Variants in GCNT4 observed in about 807,000 individuals in gnomAD.
GCNT4 encodes the protein glucosaminyl (N-acetyl) transferase 4.
In GCNT4, 17 loss-of-function variants were observed where a neutral mutation model predicts 31.3. That is an observed-to-expected ratio of 0.54 (90% CI 0.37 to 0.81). The LOEUF is 0.81. Ranked by LOEUF, GCNT4 falls within the 40% of genes least tolerant of loss-of-function variation. GCNT4 has a pLI of 0.00. For missense variants in GCNT4, 503 were observed against 525.5 expected (o/e 0.96, Z 0.42); for synonymous variants, 158 against 190.6 (o/e 0.83, Z 1.41).
In GCNT4 at chr5:75,029,549, A is replaced by G. The variant is rs1362855375; in HGVS notation, c.489T>C (p.His163=). 3 of 1,614,074 alleles carry G rather than the reference A, an allele frequency of 1.9e-6. No homozygotes were observed. The highest frequency in any genetic ancestry group is 2.5e-6 in the Non-Finnish European group (3 of 1,180,044). The change falls in exon 4 of 4, where the codon CAT becomes CAC. Residue 163 remains histidine (H), a synonymous_variant. Transcript: ENST00000652361. ...IYNQHNIYCI[H]YDRKAPDTFK... is the part of the protein sequence containing the mutation. ...AGGTATCAGGTGCCTTACGATCATA[A>G]TGGATGCAGTAAATATTGTGCTGGT...
Position 75,028,878 on chromosome 5 carries a change from A to C in GCNT4, c.1160T>G (p.Leu387Arg). 1 of 1,614,096 alleles carries C rather than the reference A, an allele frequency of 6.2e-7. No homozygotes were observed. Among genetic ancestry groups the C allele is most frequent in the Non-Finnish European group, 8.5e-7 (1 of 1,180,002 alleles). The stretch of plus-strand genomic sequence containing the variant: ...AGCTCCATAAATACACACGCTTCGA[A>C]GGTGAGATCCAGTACAACTGGGATA... The part of the protein sequence containing the change: ...FFYPSCTGSH[L>R]RSVCIYGAAE... Residue 387 changes from leucine to arginine, a missense_variant, in exon 4 of 4, where the codon CTT becomes CGT. Transcript: ENST00000652361.
rs1743597218 is a variant in GCNT4, at chr5:75,052,515, G to A, written c.-288C>T. 1 of 152,232 alleles carries A rather than the reference G, an allele frequency of 6.6e-6. No homozygotes were observed. The highest frequency in any genetic ancestry group is 2.4e-5 in the African/African-American group (1 of 41,452). The allele number at this position is 152,232 out of a possible 1,614,324, so 9.4% of individuals were successfully genotyped here. ...ATCCCAGAAGCTCCCGACCCGCTGTGGTAGGCACCGCCACCTCGCAGGCAG... is the reference window on the plus strand; with the variant it reads ...ATCCCAGAAGCTCCCGACCCGCTGTAGTAGGCACCGCCACCTCGCAGGCAG... On this transcript the variant is annotated 5_prime_UTR_variant, in exon 1 of 4. Transcript: ENST00000652361.
the GCNT4 span, among the ~76,000 whole-genome samples, chr5:75,018,810 GGAAT>G: frequency 1.3e-5 from 2 of 152,128 alleles, no homozygotes; most frequent in African/African-American, 4.8e-5. Context: ...AGAGGCAAAA[GGAAT>G]GAACATTAGG....
chr5:75,053,437 C>A (rs1459882482), upstream of GCNT4, among the ~76,000 whole-genome samples: 1 of 152,114 alleles, frequency 6.6e-6, no homozygotes. Context: ...GGCGTCCCGG[C>A]GGAGACGAGG....
At chr5:75,045,196 T>C (rs1353440451) in intron 3 of GCNT4, among the ~76,000 whole-genome samples, 1 of 152,238 alleles carries the variant, frequency 6.6e-6, no homozygotes, top group Non-Finnish European at 1.5e-5. Flanking sequence ...ATTAATTACA[T>C]TCATATTGTA....
Position 75,052,436 on chromosome 5 carries a change from C to T in GCNT4, c.-209G>A, listed in dbSNP as rs1226379810. The stretch of plus-strand genomic sequence containing the variant: ...CCCACTCGCCCCGTTTACCTAGCAC[C>T]GTTTCCTACGTGAAGACTGCAAATG... On this transcript the variant is annotated 5_prime_UTR_variant, in exon 1 of 4. Coordinates refer to ENST00000652361, the MANE Select transcript of GCNT4 (RefSeq NM_001366737.1). The T allele has an allele frequency of 2.0e-5, 3 of 152,164 alleles. No individual in the cohort carries two copies. Among genetic ancestry groups the T allele is most frequent in the African/African-American group, 7.2e-5 (3 of 41,432 alleles). 9.4% of individuals were successfully genotyped at this position (152,164 alleles called of 1,614,324 possible).
downstream of GCNT4, among the ~76,000 whole-genome samples, chr5:75,024,166 T>C (rs1742914295): frequency 6.6e-6 from 1 of 151,774 alleles, no homozygotes; most frequent in Admixed American, 6.6e-5. Flanking sequence ...TGTAGATTTG[T>C]AGGTGCCAAT....
chr5:75,052,675 GC>G (rs1478571084), upstream of GCNT4: 4 of 152,246 alleles, frequency 2.6e-5, no homozygotes, highest in African/African-American at 9.6e-5. Context: ...GCCCCCTCCA[GC>G]CCCGGTTGCC....
chr5:75,049,378 A>C lies in GCNT4; in HGVS notation c.-142-1341T>G, dbSNP rs1023178563. 1.6e-4 allele frequency among the ~76,000 whole-genome samples: 25 copies of C among 152,190 alleles called. 1 individual carries two copies. Among genetic ancestry groups the C allele is most frequent in the African/African-American group, 5.3e-4 (22 of 41,448 alleles). On this transcript the variant is annotated intron_variant, in intron 2 of 3. Coordinates refer to ENST00000652361, the MANE Select transcript of GCNT4 (RefSeq NM_001366737.1). Reference sequence around the variant, plus strand: ...AGTTGTGAGCTACCTTTATCAAATGATATCTGGCTCCCCACATCTAAAATA... The same window carrying C: ...AGTTGTGAGCTACCTTTATCAAATGCTATCTGGCTCCCCACATCTAAAATA...
chr5:75,025,037 T>C (rs1264500181), downstream of GCNT4, among the ~76,000 whole-genome samples: 3 of 147,016 alleles, frequency 2.0e-5, no homozygotes, highest in Non-Finnish European at 4.5e-5. Context: ...AAGTTCAACC[T>C]ACCCTATTGA....
At position 75,027,984 on chromosome 5, in the gene GCNT4, T is replaced by TTTTTTTTTTTTTTGAGACGG. The variant is rs1561372309; in HGVS notation, c.*691_*692insCCGTCTCAAAAAAAAAAAAA. On this transcript the variant is annotated 3_prime_UTR_variant, in exon 4 of 4. Transcript: ENST00000652361. ...TTGTATAAATCCCTTCGCTCCTCTT[T>TTTTTTTTTTTTTTGAGACGG]AGGTACTACCTGTCCCAACCCACAT... 1 of 152,004 alleles carries TTTTTTTTTTTTTTGAGACGG rather than the reference T, an allele frequency of 6.6e-6. No homozygotes were observed. The highest frequency in any genetic ancestry group is 2.4e-5 in the African/African-American group (1 of 40,874). 9.4% of individuals were successfully genotyped at this position (152,004 alleles called of 1,614,324 possible).
intron 3 of GCNT4, among the ~76,000 whole-genome samples, chr5:75,031,426 T>C (rs1055557412): frequency 6.6e-6 from 1 of 152,192 alleles, no homozygotes; most frequent in African/African-American, 2.4e-5. Context: ...GTGGGCCATA[T>C]TGTCTCAGTC....
At position 75,027,071 on chromosome 5, in the gene GCNT4, A is replaced by G. The variant is rs917214239; in HGVS notation, c.*1605T>C. ...TGTCCTATTTTGGGCTAGATTTACT[A>G]CATCTTTAAATATAATATCTGAGGC... On this transcript the variant is annotated 3_prime_UTR_variant, in exon 4 of 4. Transcript: ENST00000652361. The G allele has an allele frequency of 6.6e-5, 10 of 151,632 alleles. No homozygotes were observed. Among genetic ancestry groups the G allele is most frequent in the African/African-American group, 2.2e-4 (9 of 41,262 alleles). The allele number at this position is 151,632 out of a possible 1,614,324, so 9.4% of individuals were successfully genotyped here.
intron 3 of GCNT4, among the ~76,000 whole-genome samples, chr5:75,031,178 G>A (rs550819431): frequency 8.6e-5 from 13 of 151,726 alleles, no homozygotes; most frequent in Non-Finnish European, 1.6e-4. Context: ...GGGCTCAAGC[G>A]ATCCTCCTGC....
chr5:75,017,070 G>A, the GCNT4 span, among the ~76,000 whole-genome samples: 453 of 152,344 alleles, frequency 3.0e-3, 3 homozygotes, highest in African/African-American at 0.01. Flanking sequence ...TAGAGTTCCT[G>A]GAGGAGAGGG....
the GCNT4 span, among the ~76,000 whole-genome samples, chr5:75,019,656 C>T: frequency 6.6e-6 from 1 of 152,052 alleles, no homozygotes; most frequent in African/African-American, 2.4e-5. Context: ...ATGCAGAAAA[C>T]CTGTGAAGCA....
chr5:75,052,170 T>C lies in GCNT4; in HGVS notation c.-144A>G, dbSNP rs201821800. The C allele has an allele frequency of 7.9e-6, 1 of 126,488 alleles. No homozygotes were observed. Among genetic ancestry groups the C allele is most frequent in the Non-Finnish European group, 1.6e-5 (1 of 61,802 alleles). 7.8% of individuals were successfully genotyped at this position (126,488 alleles called of 1,614,324 possible). On this transcript the variant is annotated splice_region_variant and 5_prime_UTR_variant, in exon 2 of 4. The change abolishes an upstream ATG in the 5' untranslated region. Transcript: ENST00000652361. ...AAAGGGCGACTTCTGTCTACTCACA[T>C]GAGACAATTAAACGCATTATATTAG...
At chr5:75,030,791 C>T (rs951194658) in intron 3 of GCNT4, 7 of 167,040 alleles carry the variant, frequency 4.2e-5, no homozygotes, top group African/African-American at 1.7e-4. Context: ...AATGTACCCA[C>T]CCTGAAGATC....
chr5:75,050,296 A>G (rs952032662), intron 2 of GCNT4, among the ~76,000 whole-genome samples: 2 of 152,240 alleles, frequency 1.3e-5, no homozygotes, highest in Non-Finnish European at 2.9e-5. Context: ...TTTACATTAC[A>G]TGAGCTTGAT....
Sources: allele counts gnomAD v4.1 joint callset (sites outside exome capture counted in the v4.1 genomes callset), GRCh38; gene constraint gnomAD v4.1.1; transcripts MANE v1.5; gene names NCBI Gene and HGNC (gene_info 2026-07-23, HGNC 2026-07-21).